IFT74: variants seen among roughly 807,000 people sequenced by gnomAD.
The protein encoded by IFT74 is intraflagellar transport protein 74 homolog.
A neutral mutation model predicts 96.7 loss-of-function variants in IFT74; 92 were observed. The observed-to-expected ratio is 0.95, with a 90% CI of 0.80 to 1.13. The LOEUF is 1.13. IFT74 is among the 50% of genes most tolerant of loss of function. The probability of loss-of-function intolerance (pLI) is 0.00; values close to 1 mark genes in which losing one functional copy is unlikely to be tolerated. For synonymous variants in IFT74, 223 were observed against 213.2 expected (o/e 1.05, Z -0.40); for missense variants, 811 against 698.2 (o/e 1.16, Z -1.82).
At chr9:27,058,127 T>TG (rs1177669713) in intron 18 of IFT74, among the ~76,000 whole-genome samples, 1 of 151,988 alleles carries the variant, frequency 6.6e-6, no homozygotes, top group Non-Finnish European at 1.5e-5. Context: ...CTCACTGTGT[T>TG]GCCCAGGGTA....
chr9:26,983,398 A>G (rs527346418), intron 4 of IFT74, among the ~76,000 whole-genome samples: 1 of 152,202 alleles, frequency 6.6e-6, no homozygotes, highest in Admixed American at 6.5e-5. Flanking sequence ...GTGGTTCTCA[A>G]CTGGTGGTGA....
At chr9:26,988,891 C>T (rs1827751574) in intron 7 of IFT74, among the ~76,000 whole-genome samples, 163 bp downstream of exon 7, 1 of 152,118 alleles carries the variant, frequency 6.6e-6, no homozygotes, top group South Asian at 2.1e-4. Flanking sequence ...CCCTTAGTTG[C>T]TCTTTTAAAT....
intron 17 of IFT74, 96 bp from the exon 18 acceptor site, chr9:27,056,238 T>A (rs1820151304): frequency 1.1e-6 from 1 of 943,636 alleles, no homozygotes; most frequent in Admixed American, 2.6e-5. Flanking sequence ...GATATAATTT[T>A]ACCAGAATAT....
At chr9:26,978,402 T>C (rs1201925732) in intron 3 of IFT74, 139 bp downstream of exon 3, 1 of 782,370 alleles carries the variant, frequency 1.3e-6, no homozygotes, top group Non-Finnish European at 2.0e-6. Flanking sequence ...ATCAGGATTA[T>C]AGCATGTAAG....
intron 2 of IFT74, among the ~76,000 whole-genome samples, chr9:26,977,850 C>G (rs1443929041): frequency 1.3e-5 from 2 of 152,028 alleles, no homozygotes; most frequent in Non-Finnish European, 2.9e-5. Flanking sequence ...ACATTTAACT[C>G]CTTTCCAGTT....
rs760507687 is a variant in IFT74, at chr9:27,047,269, G to A, written c.1109-5G>A. 1.1e-5 allele frequency: 17 copies of A among 1,587,606 alleles called. No homozygotes were observed. The highest frequency in any genetic ancestry group is 1.3e-5 in the Non-Finnish European group (15 of 1,157,036). ...GTAATCTCTCTTATGTTTTCCAATT[G>A]TCAGCTTTTATTGAGACTTTTGAGG... On this transcript the variant is annotated splice_polypyrimidine_tract_variant and splice_region_variant and intron_variant, in intron 14 of 19. Coordinates refer to ENST00000380062, the MANE Select transcript of IFT74 (RefSeq NM_025103.4).
intron 16 of IFT74, among the ~76,000 whole-genome samples, chr9:27,050,944 A>G (rs187974304): frequency 1.7e-4 from 26 of 152,290 alleles, no homozygotes; most frequent in African/African-American, 6.3e-4. Context: ...CTTTATCTGG[A>G]TTCCCAAAAT....
intron 16 of IFT74, among the ~76,000 whole-genome samples, chr9:27,054,781 A>G (rs890824937): frequency 2.0e-5 from 3 of 152,212 alleles, no homozygotes; most frequent in African/African-American, 7.2e-5. Flanking sequence ...TTCTCATACT[A>G]TAAAGAGGTT....
At chr9:26,988,844 CTGAT>C (rs1827749522) in intron 7 of IFT74, 116 bp downstream of exon 7, 1 of 944,770 alleles carries the variant, frequency 1.1e-6, no homozygotes, top group Non-Finnish European at 1.5e-6. Flanking sequence ...GAATATTACT[CTGAT>C]TGTAAATACC....
rs182094719 is a variant in IFT74, at chr9:26,947,209, G to A, written c.-20+63G>A. On this transcript the variant is annotated intron_variant, in intron 1 of 19. Coordinates refer to the IFT74 transcript ENST00000433700. ...GGTACGGAAGGGCGGCTGGGAAGGG[G>A]CGCGCCGAGCGGGCCGAGTGACACA... 29 of 771,232 alleles carry A rather than the reference G, an allele frequency of 3.8e-5. No individual in the cohort carries two copies. In the Admixed American group the frequency reaches 7.9e-4, roughly 21 times the overall value. 47.8% of individuals were successfully genotyped at this position (771,232 alleles called of 1,614,324 possible).
chr9:27,015,938 C>G (rs1587358705), intron 10 of IFT74, among the ~76,000 whole-genome samples: 2 of 151,928 alleles, frequency 1.3e-5, no homozygotes, highest in Middle Eastern at 6.8e-3. Context: ...CCATTCCTAC[C>G]TTTTTTTTGG....
rs1028961367 is a variant in IFT74, at chr9:27,065,130, T to A, written c.*2394T>A. Among the ~76,000 whole-genome samples, 2 of 152,066 alleles carry A rather than the reference T, an allele frequency of 1.3e-5. No individual in the cohort carries two copies. Among genetic ancestry groups the A allele is most frequent in the African/African-American group, 4.8e-5 (2 of 41,426 alleles). ...AATGGGAAATTTGGCAGGAAAAAAA[T>A]TTCTTGACAAAAAGCAAGGCTTTCA... On this transcript the variant is annotated 3_prime_UTR_variant, in exon 20 of 20. Coordinates refer to ENST00000380062, the MANE Select transcript of IFT74 (RefSeq NM_025103.4).
intron 13 of IFT74, among the ~76,000 whole-genome samples, chr9:27,040,593 C>T (rs1362534666): frequency 1.3e-5 from 2 of 148,380 alleles, no homozygotes; most frequent in African/African-American, 2.5e-5. Context: ...GGAGACTTTG[C>T]GTGCTTCAGA....
chr9:26,958,316 A>T (rs1826210124), intron 1 of IFT74, among the ~76,000 whole-genome samples: 1 of 152,200 alleles, frequency 6.6e-6, no homozygotes, highest in African/African-American at 2.4e-5. Context: ...TATACACTGA[A>T]ATTGAAGAAG....
At chr9:26,990,896 T>C (rs1273236153) in intron 8 of IFT74, among the ~76,000 whole-genome samples, 1 of 152,168 alleles carries the variant, frequency 6.6e-6, no homozygotes, top group African/African-American at 2.4e-5. Context: ...GTCAAAAAGT[T>C]GATGAAGAAT....
At position 27,064,123 on chromosome 9, in the gene IFT74, C is replaced by G. The variant is rs796145788; in HGVS notation, c.*1387C>G. On this transcript the variant is annotated 3_prime_UTR_variant, in exon 20 of 20. Transcript: ENST00000380062. ...AGCATTTCCCAGAGATAGTTGTCCA[C>G]AAAACCCTAACTTTCACAGAGCCTA... Among the ~76,000 whole-genome samples the G allele has an allele frequency of 1.5e-4, 23 of 152,230 alleles. No homozygotes were observed. The highest frequency in any genetic ancestry group is 3.8e-4 in the African/African-American group (16 of 41,572).
intron 12 of IFT74, among the ~76,000 whole-genome samples, chr9:27,026,114 C>G (rs1026526110): frequency 1.3e-5 from 2 of 152,138 alleles, no homozygotes; most frequent in Non-Finnish European, 2.9e-5. Flanking sequence ...TAAGGTCTCA[C>G]ATAAACTTAA....
chr9:27,036,713 T>C (rs1279425246), intron 13 of IFT74: 2 of 1,292,114 alleles, frequency 1.5e-6, no homozygotes, highest in Non-Finnish European at 2.0e-6. Flanking sequence ...AAATCAATTA[T>C]ATGGTGAAAG....
intron 8 of IFT74, among the ~76,000 whole-genome samples, chr9:27,004,721 G>T (rs1423168040): frequency 6.6e-6 from 1 of 152,026 alleles, no homozygotes; most frequent in African/African-American, 2.4e-5. Context: ...TGAAATGATA[G>T]TTGAGTTTCA....
Sources: allele counts gnomAD v4.1 joint callset (sites outside exome capture counted in the v4.1 genomes callset), GRCh38; gene constraint gnomAD v4.1.1; transcripts MANE v1.5; gene names NCBI Gene and HGNC (gene_info 2026-07-23, HGNC 2026-07-21).